The following PFDN2 variants were observed in gnomAD, a reference collection of about 807,000 sequenced individuals.
PFDN2 encodes the protein prefoldin subunit 2.
A neutral mutation model predicts 18.3 loss-of-function variants in PFDN2; 7 were observed. The observed-to-expected ratio is 0.38, with a 90% CI of 0.22 to 0.72. The LOEUF (loss-of-function observed/expected upper bound fraction) is 0.72, where lower values mean the gene tolerates loss of function less well. Among genes scored for constraint, PFDN2 ranks in the 30% least tolerant of loss-of-function variants. The probability of loss-of-function intolerance (pLI) is 0.47; values close to 1 mark genes in which losing one functional copy is unlikely to be tolerated. For missense variants in PFDN2, 181 were observed against 199.1 expected (o/e 0.91, Z 0.55); for synonymous variants, 76 against 75.0 (o/e 1.01, Z -0.07).
intron 1 of PFDN2, among the ~76,000 whole-genome samples, chr1:161,104,449 T>C (rs1021353503): frequency 9.6e-5 from 14 of 145,840 alleles, no homozygotes; most frequent in Non-Finnish European, 1.7e-4. Context: ...TTCTTTTTCT[T>C]TTTTTTTTTT....
chr1:161,113,091 G>GTATT (rs1244229432), intron 1 of PFDN2, among the ~76,000 whole-genome samples: 6 of 152,032 alleles, frequency 3.9e-5, no homozygotes, highest in African/African-American at 1.4e-4. Context: ...GACAATAAAT[G>GTATT]TATTATTTTA....
chr1:161,116,789 G>T (rs956079614), intron 1 of PFDN2, among the ~76,000 whole-genome samples: 1 of 150,510 alleles, frequency 6.6e-6, no homozygotes, highest in African/African-American at 2.4e-5. Context: ...TTGAACCCGG[G>T]AGGTGGAGGC....
At chr1:161,103,395 T>A (rs1358595341) in intron 1 of PFDN2, among the ~76,000 whole-genome samples, 23 of 146,232 alleles carry the variant, frequency 1.6e-4, no homozygotes, top group Non-Finnish European at 6.0e-5. Flanking sequence ...AATAGCCCTT[T>A]AAAAAAAAAA....
At chr1:161,115,881 C>T (rs1326025990) in intron 1 of PFDN2, among the ~76,000 whole-genome samples, 1 of 152,144 alleles carries the variant, frequency 6.6e-6, no homozygotes, top group Non-Finnish European at 1.5e-5. Flanking sequence ...GCTACAGTAT[C>T]TGTATCGCTG....
chr1:161,108,151 T>TAAA (rs557544026), intron 1 of PFDN2, among the ~76,000 whole-genome samples: 2 of 110,686 alleles, frequency 1.8e-5, no homozygotes, highest in Non-Finnish European at 1.9e-5. Flanking sequence ...AAATAAAAAT[T>TAAA]AAAAAAAAAA....
At chr1:161,117,870 C>T in intron 1 of PFDN2, 82 bp downstream of exon 1, 1 of 1,240,482 alleles carries the variant, frequency 8.1e-7, no homozygotes, top group Non-Finnish European at 1.1e-6. Flanking sequence ...GGAGTAAAGG[C>T]CTGCACAAGC....
intron 1 of PFDN2, among the ~76,000 whole-genome samples, chr1:161,106,115 C>T (rs562922368): frequency 1.3e-5 from 2 of 152,222 alleles, no homozygotes; most frequent in Admixed American, 1.3e-4. Context: ...CACACAAGAT[C>T]TGGTTCTTTA....
intron 1 of PFDN2, among the ~76,000 whole-genome samples, chr1:161,104,988 G>C (rs1471032315): frequency 2.6e-5 from 4 of 151,750 alleles, no homozygotes; most frequent in Non-Finnish European, 4.4e-5. Context: ...AACCTTCATT[G>C]CCTGTCTCAA....
At chr1:161,117,915 C>T in intron 1 of PFDN2, 37 bp downstream of exon 1, 3 of 1,558,638 alleles carry the variant, frequency 1.9e-6, no homozygotes, top group Non-Finnish European at 1.8e-6. Context: ...ATTCCAGACC[C>T]AGGTGGGTAC....
intron 1 of PFDN2, among the ~76,000 whole-genome samples, chr1:161,117,151 T>C (rs1654966277): frequency 6.6e-6 from 1 of 152,016 alleles, no homozygotes; most frequent in South Asian, 2.1e-4. Flanking sequence ...AAGAATAGCT[T>C]GAATGAACCA....
intron 3 of PFDN2, 50 bp downstream of exon 3, chr1:161,101,998 G>A (rs745542099): frequency 1.2e-6 from 2 of 1,606,356 alleles, no homozygotes; most frequent in Non-Finnish European, 1.7e-6. Context: ...CTCCCAAAGT[G>A]CTGGGTTTAC....
At chr1:161,104,190 C>T (rs1490417179) in intron 1 of PFDN2, among the ~76,000 whole-genome samples, 8 of 152,204 alleles carry the variant, frequency 5.3e-5, no homozygotes, top group African/African-American at 1.9e-4. Context: ...ATCATGTGAA[C>T]CAATGAGTGT....
Position 161,104,453 on chromosome 1 carries a change from T to C in PFDN2, c.76-2078A>G, listed in dbSNP as rs76707722. Among the ~76,000 whole-genome samples the C allele has an allele frequency of 2.3e-3, 350 of 151,692 alleles. 1 individual carries two copies. The highest frequency in any genetic ancestry group is 7.9e-3 in the African/African-American group (326 of 41,396). The stretch of plus-strand genomic sequence containing the variant: ...TTTTTTTCTTTTTCTTTTTCTTTTT[T>C]TTTTTTTTTAAGAAAGGTCACACAC... On this transcript the variant is annotated intron_variant, in intron 1 of 3. Transcript: ENST00000368010.
chr1:161,108,030 G>A (rs1160657022), intron 1 of PFDN2, among the ~76,000 whole-genome samples: 3 of 149,994 alleles, frequency 2.0e-5, no homozygotes, highest in Non-Finnish European at 3.0e-5. Context: ...CAAAAGAATC[G>A]CTTGAACCCA....
intron 1 of PFDN2, among the ~76,000 whole-genome samples, chr1:161,116,187 G>A (rs976078089): frequency 2.0e-5 from 3 of 152,024 alleles, no homozygotes; most frequent in African/African-American, 4.8e-5. Flanking sequence ...CTATCATCAC[G>A]CCATTGCACT....
At chr1:161,117,484 G>T (rs1250782040) in intron 1 of PFDN2, among the ~76,000 whole-genome samples, 5 of 152,182 alleles carry the variant, frequency 3.3e-5, no homozygotes, top group Admixed American at 3.3e-4. Context: ...ATAGTATATA[G>T]AACACTAGGC....
intron 1 of PFDN2, among the ~76,000 whole-genome samples, chr1:161,113,177 A>G: frequency 6.6e-6 from 1 of 152,142 alleles, no homozygotes; most frequent in East Asian, 1.9e-4. Context: ...AAAAGTCATA[A>G]ATTCTTTGGC....
chr1:161,107,867 A>C (rs1654715763), intron 1 of PFDN2, among the ~76,000 whole-genome samples: 1 of 151,364 alleles, frequency 6.6e-6, no homozygotes, highest in Non-Finnish European at 1.5e-5. Context: ...TAATCCCAGC[A>C]CTTTGGGAGG....
intron 1 of PFDN2, among the ~76,000 whole-genome samples, chr1:161,104,164 T>C (rs1654633783): frequency 6.6e-6 from 1 of 152,244 alleles, no homozygotes; most frequent in African/African-American, 2.4e-5. Context: ...TGATTCCTAC[T>C]GCATAAGGTT....
Sources: gnomAD v4.1 joint callset for allele counts (sites outside exome capture counted in the v4.1 genomes callset) on GRCh38, gnomAD v4.1.1 for gene constraint, MANE v1.5 for transcripts, NCBI Gene and HGNC (gene_info 2026-07-23, HGNC 2026-07-21) for gene names.